Variants in FHIT observed in about 807,000 individuals in gnomAD.
FHIT encodes the protein bis(5'-adenosyl)-triphosphatase.
In FHIT, 19 loss-of-function variants were observed where a neutral mutation model predicts 17.9. The ratio of observed to expected loss-of-function variants is 1.06; its 90% CI spans 0.74 to 1.56. FHIT has a LOEUF of 1.56. FHIT is among the 40% of genes most tolerant of loss of function. The pLI, the probability that FHIT is intolerant of heterozygous loss-of-function variation, is 0.00. For synonymous variants in FHIT, 81 were observed against 69.7 expected, an observed-to-expected ratio of 1.16 and a Z score of -0.81; for missense variants, 248 against 189.2, an observed-to-expected ratio of 1.31 and a Z score of -1.82.
chr3:60,130,745 GGTGTGTGTGTGTGTGT>G (rs371035618), intron 5 of FHIT, among the ~76,000 whole-genome samples: 2 of 80,330 alleles, frequency 2.5e-5, no homozygotes, highest in Non-Finnish European at 4.7e-5. Flanking sequence ...ACTGAATAGG[GGTGTGTGTGTGTGTGT>G]GTGTTTGTGT....
chr3:60,492,364 C>T (rs1000792616), intron 5 of FHIT, among the ~76,000 whole-genome samples: 34 of 152,142 alleles, frequency 2.2e-4, no homozygotes, highest in African/African-American at 8.2e-4. Flanking sequence ...TAAAATTACA[C>T]TCATCCTTCA....
At chr3:59,831,622 G>C (rs920019064) in intron 8 of FHIT, among the ~76,000 whole-genome samples, 4 of 152,014 alleles carry the variant, frequency 2.6e-5, no homozygotes, top group Non-Finnish European at 4.4e-5. Flanking sequence ...GTCCCAGATA[G>C]AGCCACAAGT....
intron 8 of FHIT, among the ~76,000 whole-genome samples, chr3:59,803,301 A>G (rs942094906): frequency 6.6e-6 from 1 of 152,212 alleles, no homozygotes; most frequent in South Asian, 2.1e-4. Flanking sequence ...GGACAGAAAG[A>G]AGACTAAAGA....
rs566613195 is a variant in FHIT, at chr3:60,074,874, T to C, written c.104-60722A>G. On this transcript the variant is annotated intron_variant, in intron 5 of 9. Coordinates refer to ENST00000492590, the MANE Select transcript of FHIT (RefSeq NM_002012.4). ...TTTCACTGGTGTACATTTGCACTAGTTGGTTTAATTACCAAGTGAATCTAC... is the reference window on the plus strand; with the variant it reads ...TTTCACTGGTGTACATTTGCACTAGCTGGTTTAATTACCAAGTGAATCTAC... Among the ~76,000 whole-genome samples, 51 of 152,242 alleles carry C rather than the reference T, an allele frequency of 3.3e-4. 1 individual carries two copies. In the South Asian group the frequency reaches 0.01, roughly 31 times the overall value.
intron 2 of FHIT, among the ~76,000 whole-genome samples, chr3:61,060,657 A>G (rs2034394783): frequency 1.3e-5 from 2 of 152,226 alleles, no homozygotes; most frequent in African/African-American, 4.8e-5. Context: ...TATGGCCCAA[A>G]TGTGTGACTA....
rs1382704311 is a variant in FHIT, at chr3:60,009,217, GTGTGTGTGTGTGTA to G, written c.279+2140_279+2153del. Among the ~76,000 whole-genome samples, 236 of 137,974 alleles carry G rather than the reference GTGTGTGTGTGTGTA, an allele frequency of 1.7e-3. 1 individual carries two copies. The highest frequency in any genetic ancestry group is 6.8e-3 in the African/African-American group (222 of 32,678). 90.5% of individuals were successfully genotyped at this position (137,974 alleles called of 152,430 possible). On this transcript the variant is annotated intron_variant, in intron 7 of 9. Transcript: ENST00000492590. ...TGTGTGTGTGTGTGTGTGTGTGTGTGTGTGTGTGTGTGTATGGTGGTTTTCTTATAACCACCATA... is the reference window on the plus strand; with the variant it reads ...TGTGTGTGTGTGTGTGTGTGTGTGTGTGGTGGTTTTCTTATAACCACCATA...
At chr3:60,690,410 C>G (rs2040959432) in intron 4 of FHIT, 1 of 579,844 alleles carries the variant, frequency 1.7e-6, no homozygotes, top group Admixed American at 1.9e-5. Flanking sequence ...GCGTTGGGTC[C>G]AGCATTTGCC....
intron 5 of FHIT, among the ~76,000 whole-genome samples, chr3:60,252,827 T>A (rs920054433): frequency 5.8e-4 from 86 of 149,108 alleles, no homozygotes; most frequent in African/African-American, 2.1e-3. Context: ...CTTCTCAACT[T>A]AAAAAAAAAT....
At chr3:60,802,289 G>C (rs569390990) in intron 4 of FHIT, among the ~76,000 whole-genome samples, 1 of 152,314 alleles carries the variant, frequency 6.6e-6, no homozygotes, top group East Asian at 1.9e-4. Context: ...GCCATTAACA[G>C]GAGGGTGTTC....
intron 8 of FHIT, among the ~76,000 whole-genome samples, chr3:59,805,524 A>G (rs620783): frequency 0.077 from 11,773 of 152,250 alleles, 608 homozygotes; most frequent in Non-Finnish European, 0.12. Context: ...AGGGTCACAG[A>G]GAAGAATCTG....
At chr3:60,680,031 A>G (rs1553696434) in intron 4 of FHIT, among the ~76,000 whole-genome samples, 1 of 152,142 alleles carries the variant, frequency 6.6e-6, no homozygotes, top group Non-Finnish European at 1.5e-5. Context: ...CGTTTTCCTG[A>G]ATTATCAAAA....
At chr3:60,515,578 A>T (rs2035122136) in intron 5 of FHIT, among the ~76,000 whole-genome samples, 2 of 34,450 alleles carry the variant, frequency 5.8e-5, no homozygotes, top group Admixed American at 3.6e-4. Flanking sequence ...CTTTAATTTA[A>T]AAAAAAAAAA....
At chr3:59,971,562 A>C (rs1708184381) in intron 7 of FHIT, among the ~76,000 whole-genome samples, 2 of 152,142 alleles carry the variant, frequency 1.3e-5, no homozygotes, top group Non-Finnish European at 1.5e-5. Context: ...TTTCTGTAGG[A>C]TTCCCTTCAT....
chr3:60,480,530 G>A (rs981916239), intron 5 of FHIT, among the ~76,000 whole-genome samples: 3 of 152,178 alleles, frequency 2.0e-5, no homozygotes, highest in Non-Finnish European at 2.9e-5. Context: ...TCAAAAACAA[G>A]TTAGTTACTT....
At chr3:59,831,406 T>C (rs1451930668) in intron 8 of FHIT, among the ~76,000 whole-genome samples, 1 of 152,070 alleles carries the variant, frequency 6.6e-6, no homozygotes, top group East Asian at 1.9e-4. Context: ...GACTATTATC[T>C]CCTTTTGATG....
At chr3:60,223,372 G>A (rs899114847) in intron 5 of FHIT, among the ~76,000 whole-genome samples, 1 of 152,176 alleles carries the variant, frequency 6.6e-6, no homozygotes, top group South Asian at 2.1e-4. Context: ...GTCCATCTGG[G>A]CACCAGATCC....
chr3:59,962,743 T>C (rs1332445965), intron 7 of FHIT, among the ~76,000 whole-genome samples: 5 of 152,226 alleles, frequency 3.3e-5, no homozygotes, highest in Non-Finnish European at 7.3e-5. Flanking sequence ...ATTTAAATAT[T>C]AAATTCAAAC....
At chr3:60,113,506 C>T (rs1559643542) in intron 5 of FHIT, among the ~76,000 whole-genome samples, 1 of 151,782 alleles carries the variant, frequency 6.6e-6, no homozygotes, top group Non-Finnish European at 1.5e-5. Flanking sequence ...TACTATGCGC[C>T]AGTCACTGTA....
At chr3:60,569,755 A>ATATT in intron 4 of FHIT, among the ~76,000 whole-genome samples, 67 of 77,274 alleles carry the variant, frequency 8.7e-4, no homozygotes, top group Non-Finnish European at 1.0e-3. Context: ...ATATATATAT[A>ATATT]TTTTTTTTTT....
Sources: allele counts gnomAD v4.1 joint callset (sites outside exome capture counted in the v4.1 genomes callset), GRCh38; gene constraint gnomAD v4.1.1; transcripts MANE v1.5; gene names NCBI Gene and HGNC (gene_info 2026-07-23, HGNC 2026-07-21).